GLRB: variants seen among roughly 807,000 people sequenced by gnomAD.
The protein encoded by GLRB is glycine receptor subunit beta.
A neutral mutation model predicts 54.2 loss-of-function variants in GLRB; 33 were observed. The ratio of observed to expected loss-of-function variants is 0.61; its 90% confidence interval spans 0.46 to 0.81. The LOEUF (loss-of-function observed/expected upper bound fraction) is 0.81. Ranked by LOEUF, GLRB falls within the 40% of genes least tolerant of loss-of-function variation. GLRB has a pLI of 0.00. For missense variants in GLRB, 572 were observed against 584.6 expected, an observed-to-expected ratio of 0.98 and a Z score of 0.22; for synonymous variants, 209 against 208.2, an observed-to-expected ratio of 1.00 and a Z score of -0.03.
At chr4:157,082,624 A>G (rs1052986307) in intron 2 of GLRB, among the ~76,000 whole-genome samples, 2 of 152,144 alleles carry the variant, frequency 1.3e-5, no homozygotes, top group Non-Finnish European at 2.9e-5. Flanking sequence ...GTTAGCAGCT[A>G]GGTAATTAGT....
intron 8 of GLRB, among the ~76,000 whole-genome samples, chr4:157,152,050 A>C (rs923363512): frequency 3.3e-5 from 5 of 152,190 alleles, no homozygotes; most frequent in African/African-American, 1.2e-4. Flanking sequence ...AGAGAAAGAG[A>C]GCAATAAATT....
intron 8 of GLRB, among the ~76,000 whole-genome samples, chr4:157,145,651 G>A (rs916556947): frequency 6.6e-5 from 10 of 152,138 alleles, no homozygotes; most frequent in African/African-American, 2.4e-4. Context: ...TAGCTTCAAT[G>A]AGTATATATG....
chr4:157,156,104 G>A (rs1737216622), intron 9 of GLRB, among the ~76,000 whole-genome samples: 1 of 152,096 alleles, frequency 6.6e-6, no homozygotes, highest in Non-Finnish European at 1.5e-5. Context: ...TTCCGTATGA[G>A]TTTTAGGATT....
chr4:157,146,970 A>G (rs1036709506), intron 8 of GLRB, among the ~76,000 whole-genome samples: 5 of 152,190 alleles, frequency 3.3e-5, no homozygotes, highest in African/African-American at 1.2e-4. Context: ...TAGAAATATG[A>G]AATTGACCTT....
intron 9 of GLRB, among the ~76,000 whole-genome samples, chr4:157,167,596 A>G (rs901181725): frequency 1.3e-5 from 2 of 152,064 alleles, no homozygotes; most frequent in Non-Finnish European, 2.9e-5. Context: ...GTATATTTGT[A>G]TATGTTTCTG....
chr4:157,120,984 T>C (rs1735796036), intron 3 of GLRB, among the ~76,000 whole-genome samples: 1 of 151,706 alleles, frequency 6.6e-6, no homozygotes. Flanking sequence ...AAATTTAGGC[T>C]CTGGAAATAG....
intron 4 of GLRB, among the ~76,000 whole-genome samples, chr4:157,126,695 A>G (rs2126543670): frequency 6.6e-6 from 1 of 151,936 alleles, no homozygotes. Context: ...TATGCTTACA[A>G]TATTTGTTGA....
chr4:157,168,222 C>T (rs896993025), intron 9 of GLRB, among the ~76,000 whole-genome samples: 4 of 151,772 alleles, frequency 2.6e-5, no homozygotes, highest in Non-Finnish European at 4.4e-5. Flanking sequence ...ACTGCTCTTT[C>T]ACACTCAGTT....
At chr4:157,086,607 T>G (rs557147409) in intron 2 of GLRB, among the ~76,000 whole-genome samples, 2 of 152,314 alleles carry the variant, frequency 1.3e-5, no homozygotes, top group African/African-American at 4.8e-5. Context: ...TACCTTCTAT[T>G]TGAGATGTTG....
At chr4:157,121,701 A>T (rs753184473) in intron 3 of GLRB, among the ~76,000 whole-genome samples, 161 of 151,736 alleles carry the variant, frequency 1.1e-3, no homozygotes, top group Admixed American at 2.4e-3. Context: ...TTGTTAGCAC[A>T]ACGAGCAGCC....
At chr4:157,153,036 T>C in intron 9 of GLRB, 26 bp downstream of exon 9, 2 of 1,583,304 alleles carry the variant, frequency 1.3e-6, no homozygotes, top group Non-Finnish European at 1.7e-6. Flanking sequence ...TGCCATGAAA[T>C]CATTTCCCCC....
chr4:157,152,986 T>A lies in GLRB; in HGVS notation c.1173T>A (p.Thr391=), dbSNP rs1737085021. Reference sequence around the variant, plus strand: ...AGAATACTGTGAATGGAACAGGGACTCCTGTTCATATTAGCACTTTGCAGG... The same window carrying A: ...AGAATACTGTGAATGGAACAGGGACACCTGTTCATATTAGCACTTTGCAGG... The part of the protein sequence containing the change: ...AKKNTVNGTG[T]PVHISTLQVG... The change falls in exon 9 of 10, where the codon ACT becomes ACA. Residue 391 remains threonine, a synonymous_variant. Transcript: ENST00000264428. 1.7e-5 allele frequency: 28 copies of A among 1,612,946 alleles called. No homozygotes were observed. The highest frequency in any genetic ancestry group is 2.4e-5 in the Non-Finnish European group (28 of 1,178,978).
At chr4:157,095,474 G>A (rs2126464766) in intron 2 of GLRB, among the ~76,000 whole-genome samples, 1 of 152,234 alleles carries the variant, frequency 6.6e-6, no homozygotes, top group African/African-American at 2.4e-5. Flanking sequence ...CATAGAGTCA[G>A]AAATTCCAGG....
chr4:157,089,726 G>T (rs1025484898), intron 2 of GLRB, among the ~76,000 whole-genome samples: 8 of 151,970 alleles, frequency 5.3e-5, no homozygotes, highest in African/African-American at 1.2e-4. Flanking sequence ...ATATCTATTG[G>T]TATCTATGAT....
intron 6 of GLRB, among the ~76,000 whole-genome samples, chr4:157,138,247 T>C (rs966735027): frequency 6.6e-6 from 1 of 152,154 alleles, no homozygotes; most frequent in African/African-American, 2.4e-5. Flanking sequence ...AATTTATGTT[T>C]GTATTTTTAG....
chr4:157,115,043 C>T (rs1041601043), intron 2 of GLRB, among the ~76,000 whole-genome samples: 44 of 151,750 alleles, frequency 2.9e-4, no homozygotes, highest in African/African-American at 4.1e-4. Flanking sequence ...AAGATCTACA[C>T]CAATTATTTG....
chr4:157,140,643 A>C (rs1390555644), intron 7 of GLRB, among the ~76,000 whole-genome samples: 1 of 151,974 alleles, frequency 6.6e-6, no homozygotes, highest in Non-Finnish European at 1.5e-5. Flanking sequence ...AGGCTAATGA[A>C]ATAGACCCTT....
intron 2 of GLRB, among the ~76,000 whole-genome samples, chr4:157,109,296 A>C (rs2126502827): frequency 6.6e-6 from 1 of 152,098 alleles, no homozygotes; most frequent in South Asian, 2.1e-4. Flanking sequence ...GGATTTCTGA[A>C]TCTGAATGTT....
chr4:157,092,240 C>T (rs1401458933), intron 2 of GLRB, among the ~76,000 whole-genome samples: 1 of 152,078 alleles, frequency 6.6e-6, no homozygotes, highest in African/African-American at 2.4e-5. Context: ...GAGATAGGTT[C>T]TACTTTAGAA....
Sources: allele counts gnomAD v4.1 joint callset (sites outside exome capture counted in the v4.1 genomes callset), GRCh38; gene constraint gnomAD v4.1.1; transcripts MANE v1.5; gene names NCBI Gene and HGNC (gene_info 2026-07-23, HGNC 2026-07-21).